PLCE1: variants seen among roughly 807,000 people sequenced by gnomAD.
The protein encoded by PLCE1 is 1-phosphatidylinositol 4,5-bisphosphate phosphodiesterase epsilon-1.
A neutral mutation model predicts 242.8 loss-of-function variants in PLCE1; 119 were observed. The observed-to-expected ratio is 0.49, with a 90% confidence interval of 0.42 to 0.57. PLCE1 has a LOEUF of 0.57. Ranked by LOEUF, PLCE1 falls within the 20% of genes least tolerant of loss-of-function variation. The pLI is 0.00. For synonymous variants in PLCE1, 945 were observed against 1,017.4 expected (o/e 0.93, Z 1.35); for missense variants, 2,441 against 2,788.8 (o/e 0.88, Z 2.81).
intron 11 of PLCE1, among the ~76,000 whole-genome samples, chr10:94,257,301 T>TTC (rs2051133642): frequency 6.6e-6 from 1 of 151,606 alleles, no homozygotes; most frequent in African/African-American, 2.4e-5. Context: ...CTTCATGATA[T>TTC]TCTCTATACT....
At chr10:94,138,698 G>T in intron 3 of PLCE1, 1 of 291,814 alleles carries the variant, frequency 3.4e-6, no homozygotes, top group East Asian at 9.9e-5. Context: ...CTGGACATAG[G>T]AAACAGCTGT....
At chr10:94,159,045 G>T (rs925836854) in intron 3 of PLCE1, among the ~76,000 whole-genome samples, 1 of 151,480 alleles carries the variant, frequency 6.6e-6, no homozygotes, top group Non-Finnish European at 1.5e-5. Flanking sequence ...TGTTTCTTTG[G>T]AACTGGAGCA....
chr10:94,223,140 G>C lies in PLCE1; in HGVS notation c.1810-4166G>C, dbSNP rs985030401. Among the ~76,000 whole-genome samples, 5 of 146,902 alleles carry C rather than the reference G, an allele frequency of 3.4e-5. No homozygotes were observed. In the South Asian group the frequency reaches 1.1e-3, roughly 32 times the overall value. On this transcript the variant is annotated intron_variant, in intron 4 of 32. Coordinates refer to ENST00000371380, the MANE Select transcript of PLCE1 (RefSeq NM_016341.4). ...CCAGGCCGTGTGTGGTGGATCAACT[G>C]TAATGCCAATGCTATGGAAGCGGAA...
At chr10:94,130,524 T>G (rs900065361) in intron 2 of PLCE1, among the ~76,000 whole-genome samples, 26 of 152,160 alleles carry the variant, frequency 1.7e-4, no homozygotes, top group Non-Finnish European at 3.4e-4. Flanking sequence ...AACATTCAAG[T>G]CAGCTTGTTC....
In PLCE1 at chr10:94,246,201, C is replaced by T. The variant is rs762493487; in HGVS notation, c.2676C>T (p.Thr892=). The change falls in exon 8 of 33, where the codon ACC becomes ACT. Residue 892 remains threonine (T), a synonymous_variant. Coordinates refer to ENST00000371380, the MANE Select transcript of PLCE1 (RefSeq NM_016341.4). ...LQLQPDNSTL[T]WVKPTTASPA... ...TTCAGCCCGACAATAGCACCTTGACCTGGGTAAAGCCCACAACTGCCTCCC... is the reference window on the plus strand; with the variant it reads ...TTCAGCCCGACAATAGCACCTTGACTTGGGTAAAGCCCACAACTGCCTCCC... 1.5e-5 allele frequency: 24 copies of T among 1,614,016 alleles called. No homozygotes were observed. In the East Asian group the frequency reaches 4.7e-4, roughly 31 times the overall value.
At chr10:94,258,445 G>A (rs2051179199) in intron 11 of PLCE1, among the ~76,000 whole-genome samples, 1 of 152,170 alleles carries the variant, frequency 6.6e-6, no homozygotes, top group Non-Finnish European at 1.5e-5. Context: ...CATAGATTAA[G>A]AGTGAGTAAT....
intron 4 of PLCE1, among the ~76,000 whole-genome samples, chr10:94,214,365 A>G (rs1204205668): frequency 6.6e-6 from 1 of 152,176 alleles, no homozygotes. Context: ...TCCCCACTGG[A>G]ACAGAGAAGC....
chr10:94,280,147 G>A (rs1045189065), intron 20 of PLCE1: 4 of 545,586 alleles, frequency 7.3e-6, no homozygotes, highest in African/African-American at 1.9e-5. Context: ...TCATTCCTAC[G>A]ACAAGTTTCT....
At chr10:94,325,176 T>TAC in intron 32 of PLCE1, 72 bp downstream of exon 32, 1 of 1,076,006 alleles carries the variant, frequency 9.3e-7, no homozygotes, top group Non-Finnish European at 1.4e-6. Flanking sequence ...GCATAATTAG[T>TAC]ACAATGTCTT....
chr10:94,060,695 C>CT lies in PLCE1; in HGVS notation c.1206+28460dup, dbSNP rs754927815. On this transcript the variant is annotated intron_variant, in intron 2 of 32. Transcript: ENST00000371380. ...ATTACTGGACTTAGACATTATTTAACTTTTTTTTTTTTTTTTTGAGACAGT... is the reference window on the plus strand; with the variant it reads ...ATTACTGGACTTAGACATTATTTAACTTTTTTTTTTTTTTTTTTGAGACAGT... 3.2e-3 allele frequency among the ~76,000 whole-genome samples: 449 copies of CT among 139,744 alleles called. 1 individual carries two copies. The highest frequency in any genetic ancestry group is 0.012 in the Middle Eastern group (3 of 258). The allele number at this position is 139,744 out of a possible 152,430, so 91.7% of individuals were successfully genotyped here.
chr10:94,264,560 C>A (rs1232431726), intron 14 of PLCE1, among the ~76,000 whole-genome samples: 1 of 115,310 alleles, frequency 8.7e-6, no homozygotes, highest in African/African-American at 3.3e-5. Context: ...CTTGCTCTGT[C>A]ACCCAGGCTG....
intron 8 of PLCE1, 108 bp from the exon 9 acceptor site, chr10:94,252,208 G>A: frequency 1.1e-6 from 1 of 927,586 alleles, no homozygotes; most frequent in Non-Finnish European, 1.8e-6. Flanking sequence ...ATTCTTCTGT[G>A]GCCGTCTGTG....
chr10:94,089,179 A>G, intron 2 of PLCE1: 1 of 1,614,018 alleles, frequency 6.2e-7, no homozygotes, highest in Non-Finnish European at 8.5e-7. Context: ...CTGCAAAGGG[A>G]TTAAGATTTG....
chr10:94,275,171 G>A (rs528761225), intron 19 of PLCE1, among the ~76,000 whole-genome samples: 8 of 152,198 alleles, frequency 5.3e-5, no homozygotes, highest in African/African-American at 1.2e-4. Context: ...TTTATGTTGA[G>A]CCCAAATCTT....
At chr10:94,018,932 C>G (rs759941159) in intron 1 of PLCE1, among the ~76,000 whole-genome samples, 2 of 151,980 alleles carry the variant, frequency 1.3e-5, no homozygotes, top group Non-Finnish European at 2.9e-5. Flanking sequence ...GATATTTGAG[C>G]CTTTATTATT....
At position 94,255,013 on chromosome 10, in the gene PLCE1, C is replaced by T. The variant is rs180753337; in HGVS notation, c.3518C>T (p.Ser1173Phe). 7.4e-5 allele frequency: 120 copies of T among 1,614,154 alleles called. No individual in the cohort carries two copies. The highest frequency in any genetic ancestry group is 3.3e-4 in the Middle Eastern group (2 of 6,058). ...TCATCTCCCATCAGGCCAGTGTCCTCCCCTGTGCTGTCTTCTTCAAACAAG... is the reference window on the plus strand; with the variant it reads ...TCATCTCCCATCAGGCCAGTGTCCTTCCCTGTGCTGTCTTCTTCAAACAAG... ...GTSSPIRPVS[S>F]PVLSSSNKSP... Residue 1173 changes from serine to phenylalanine, a missense_variant, in exon 11 of 33, where the codon TCC becomes TTC. Transcript: ENST00000371380.
At chr10:94,269,127 G>T (rs577791850) in intron 17 of PLCE1, 91 bp downstream of exon 17, 88 of 644,438 alleles carry the variant, frequency 1.4e-4, no homozygotes, top group Non-Finnish European at 4.2e-5. Context: ...TTTGAGACGG[G>T]TTCTCGCTCT....
In PLCE1 at chr10:94,284,839, C is replaced by G. The variant is rs768238180; in HGVS notation, c.4918-9C>G. Reference sequence around the variant, plus strand: ...TCCATGTAAAATGGTATCATTTTTCCCTTACCAGGTTTATGATATGGAACT... The same window carrying G: ...TCCATGTAAAATGGTATCATTTTTCGCTTACCAGGTTTATGATATGGAACT... On this transcript the variant is annotated splice_polypyrimidine_tract_variant and intron_variant, in intron 21 of 32. Coordinates refer to ENST00000371380, the MANE Select transcript of PLCE1 (RefSeq NM_016341.4). 1.6e-5 allele frequency: 23 copies of G among 1,437,706 alleles called. No homozygotes were observed. The highest frequency in any genetic ancestry group is 2.3e-5 in the Non-Finnish European group (23 of 1,019,250). 89.1% of individuals were successfully genotyped at this position (1,437,706 alleles called of 1,614,324 possible). A position where few individuals can be genotyped will look rare whatever the true frequency, so the allele number is the denominator to read the frequency against.
intron 2 of PLCE1, chr10:94,089,261 G>A (rs900478364): frequency 1.2e-6 from 2 of 1,613,890 alleles, no homozygotes; most frequent in Admixed American, 1.7e-5. Flanking sequence ...TGTCAGCTGT[G>A]GCTTTGCACG....
Sources: gnomAD v4.1 joint callset for allele counts (sites outside exome capture counted in the v4.1 genomes callset) on GRCh38, gnomAD v4.1.1 for gene constraint, MANE v1.5 for transcripts, NCBI Gene and HGNC (gene_info 2026-07-23, HGNC 2026-07-21) for gene names.